Variants in LDAH observed in about 807,000 individuals in gnomAD.
LDAH encodes the protein lipid droplet associated hydrolase.
A neutral mutation model predicts 29.6 loss-of-function variants in LDAH; 26 were observed. The ratio of observed to expected loss-of-function variants is 0.88; its 90% CI spans 0.64 to 1.22. LDAH has a LOEUF of 1.22. Ranked by LOEUF, LDAH falls within the 50% of genes most tolerant of loss-of-function variation. The pLI is 0.00. For missense variants in LDAH, 344 were observed against 387.3 expected, an observed-to-expected ratio of 0.89 and a Z score of 0.94; for synonymous variants, 117 against 133.0, an observed-to-expected ratio of 0.88 and a Z score of 0.83.
chr2:20,811,337 T>G (rs879594869), intron 1 of LDAH, among the ~76,000 whole-genome samples: 7 of 151,678 alleles, frequency 4.6e-5, no homozygotes, highest in Non-Finnish European at 8.8e-5. Context: ...TAAAAACTGA[T>G]TTGACTATAT....
At chr2:20,800,639 TAAATA>T (rs1671595839) in intron 2 of LDAH, among the ~76,000 whole-genome samples, 1 of 151,170 alleles carries the variant, frequency 6.6e-6, no homozygotes, top group Non-Finnish European at 1.5e-5. Context: ...TTTATTTTTT[TAAATA>T]TTTTTTTGAG....
chr2:20,809,133 T>C (rs560953781), intron 1 of LDAH, among the ~76,000 whole-genome samples: 1 of 152,002 alleles, frequency 6.6e-6, no homozygotes, highest in Admixed American at 6.5e-5. Flanking sequence ...GGCTCACACC[T>C]GTAATCCCAG....
intron 5 of LDAH, among the ~76,000 whole-genome samples, chr2:20,716,617 T>C (rs1452095347): frequency 1.3e-5 from 2 of 151,270 alleles, no homozygotes; most frequent in East Asian, 1.9e-4. Flanking sequence ...TTGGAGAAAT[T>C]CCCAATGTAA....
chr2:20,713,054 C>G (rs1664887922), intron 5 of LDAH, among the ~76,000 whole-genome samples: 1 of 152,164 alleles, frequency 6.6e-6, no homozygotes, highest in Non-Finnish European at 1.5e-5. Context: ...CAAAGATACT[C>G]CTCGAGAAGA....
At chr2:20,690,955 G>A (rs889598797) in intron 6 of LDAH, among the ~76,000 whole-genome samples, 2 of 152,132 alleles carry the variant, frequency 1.3e-5, no homozygotes, top group African/African-American at 4.8e-5. Flanking sequence ...TTGAGGCTTA[G>A]CAAGATTAAC....
At chr2:20,818,555 G>A (rs1673015221) in intron 1 of LDAH, among the ~76,000 whole-genome samples, 1 of 150,808 alleles carries the variant, frequency 6.6e-6, no homozygotes, top group Admixed American at 6.6e-5. Flanking sequence ...CTAGCCCCTT[G>A]CAATAAAACT....
intron 3 of LDAH, among the ~76,000 whole-genome samples, chr2:20,786,462 T>C (rs745801794): frequency 4.6e-5 from 7 of 152,156 alleles, no homozygotes; most frequent in Non-Finnish European, 1.0e-4. Flanking sequence ...AGTGCTGGGA[T>C]TACAGGCATG....
At chr2:20,735,785 C>G (rs1666731734) in intron 5 of LDAH, among the ~76,000 whole-genome samples, 1 of 152,086 alleles carries the variant, frequency 6.6e-6, no homozygotes. Context: ...TGTTGACACC[C>G]AAGGGATGAA....
intron 5 of LDAH, among the ~76,000 whole-genome samples, chr2:20,728,007 T>C (rs1386094590): frequency 6.6e-6 from 1 of 152,226 alleles, no homozygotes; most frequent in Non-Finnish European, 1.5e-5. Flanking sequence ...TGTGCCATCT[T>C]TGCCAAAAGG....
chr2:20,742,658 C>T (rs1667262301), intron 4 of LDAH, among the ~76,000 whole-genome samples: 1 of 152,218 alleles, frequency 6.6e-6, no homozygotes, highest in African/African-American at 2.4e-5. Context: ...TATTTTTCTC[C>T]ATCCATTTAC....
intron 4 of LDAH, among the ~76,000 whole-genome samples, chr2:20,744,864 T>C (rs748436888): frequency 3.9e-5 from 6 of 152,206 alleles, no homozygotes; most frequent in Non-Finnish European, 7.3e-5. Context: ...CTCAGGTTTT[T>C]CTACCATGGC....
chr2:20,694,161 C>CG (rs970465960), intron 6 of LDAH, among the ~76,000 whole-genome samples: 6 of 151,730 alleles, frequency 4.0e-5, no homozygotes, highest in Admixed American at 3.9e-4. Flanking sequence ...CAGCTAGGGC[C>CG]CCTACCCTGC....
At chr2:20,687,206 A>G (rs1001792784) in intron 6 of LDAH, 112 bp from the exon 7 acceptor site, 1 of 772,494 alleles carries the variant, frequency 1.3e-6, no homozygotes, top group Non-Finnish European at 2.1e-6. Context: ...TGACCCTGGG[A>G]GCTAGTCCCT....
intron 5 of LDAH, among the ~76,000 whole-genome samples, chr2:20,710,492 C>A (rs191014156): frequency 3.9e-4 from 59 of 151,064 alleles, no homozygotes; most frequent in African/African-American, 1.4e-3. Flanking sequence ...TTAGTCAATT[C>A]AATGAACAAT....
At chr2:20,819,552 T>C (rs1197727986) in intron 1 of LDAH, among the ~76,000 whole-genome samples, 1 of 152,154 alleles carries the variant, frequency 6.6e-6, no homozygotes, top group African/African-American at 2.4e-5. Context: ...GAAAAGGCCT[T>C]TGACAAGATT....
intron 5 of LDAH, among the ~76,000 whole-genome samples, chr2:20,713,146 C>G (rs1324854546): frequency 6.6e-6 from 1 of 152,144 alleles, no homozygotes; most frequent in Non-Finnish European, 1.5e-5. Context: ...AGAGAAAGGT[C>G]AGCTTACCCA....
intron 1 of LDAH, among the ~76,000 whole-genome samples, chr2:20,807,056 ACAAT>A (rs1479572769): frequency 6.6e-6 from 1 of 152,100 alleles, no homozygotes. Flanking sequence ...AAGAGATGGT[ACAAT>A]CAATCAATAT....
intron 5 of LDAH, among the ~76,000 whole-genome samples, chr2:20,728,717 A>G (rs1308215795): frequency 6.6e-6 from 1 of 152,160 alleles, no homozygotes; most frequent in Non-Finnish European, 1.5e-5. Context: ...GAACCCAAGC[A>G]GGGAATGAAC....
chr2:20,708,641 G>A (rs1162742172), intron 5 of LDAH, among the ~76,000 whole-genome samples: 1 of 152,146 alleles, frequency 6.6e-6, no homozygotes, highest in Non-Finnish European at 1.5e-5. Flanking sequence ...GCAAAAGAAG[G>A]AAGCTGGATC....
Sources: allele counts gnomAD v4.1 joint callset (sites outside exome capture counted in the v4.1 genomes callset), GRCh38; gene constraint gnomAD v4.1.1; transcripts MANE v1.5; gene names NCBI Gene and HGNC (gene_info 2026-07-23, HGNC 2026-07-21).